GPATCH2: variants seen among roughly 807,000 people sequenced by gnomAD.
GPATCH2 encodes the protein G-patch domain containing 2, also known as G patch domain-containing protein 2.
GPATCH2 carries 51 observed loss-of-function variants against 58.0 expected under a neutral mutation model. That is an observed-to-expected ratio of 0.88 (90% CI 0.70 to 1.11). The LOEUF (loss-of-function observed/expected upper bound fraction) is 1.11, where lower values mean the gene tolerates loss of function less well. GPATCH2 is among the 50% of genes most tolerant of loss of function. The probability of loss-of-function intolerance (pLI) is 0.00; values close to 1 mark genes in which losing one functional copy is unlikely to be tolerated. For missense variants in GPATCH2, 625 were observed against 652.2 expected, an observed-to-expected ratio of 0.96 and a Z score of 0.45; for synonymous variants, 222 against 218.5, an observed-to-expected ratio of 1.02 and a Z score of -0.14.
At chr1:217,610,273 A>T in intron 5 of GPATCH2, 48 bp downstream of exon 5, 3 of 1,489,830 alleles carry the variant, frequency 2.0e-6, no homozygotes. Context: ...TTCCATAGAA[A>T]TGGAAACATT....
At chr1:217,537,613 C>G (rs1476319928) in intron 5 of GPATCH2, among the ~76,000 whole-genome samples, 1 of 152,024 alleles carries the variant, frequency 6.6e-6, no homozygotes, top group Non-Finnish European at 1.5e-5. Flanking sequence ...ACAAATGAAA[C>G]CACTTCGGTC....
chr1:217,519,545 C>A (rs967433152), intron 5 of GPATCH2, among the ~76,000 whole-genome samples: 14 of 152,170 alleles, frequency 9.2e-5, no homozygotes, highest in Non-Finnish European at 1.6e-4. Flanking sequence ...AAGGGAGTTG[C>A]ATGCATTATC....
At chr1:217,550,410 A>ACATT (rs965642720) in intron 5 of GPATCH2, among the ~76,000 whole-genome samples, 2 of 152,280 alleles carry the variant, frequency 1.3e-5, no homozygotes, top group African/African-American at 4.8e-5. Flanking sequence ...AACAAAATAG[A>ACATT]CATTCATTAC....
chr1:217,610,614 A>G (rs1056655142), intron 4 of GPATCH2, among the ~76,000 whole-genome samples: 1 of 152,240 alleles, frequency 6.6e-6, no homozygotes, highest in African/African-American at 2.4e-5. Context: ...ACCAGTGTTC[A>G]ATCACTAGAG....
chr1:217,498,679 G>C, intron 6 of GPATCH2: 1 of 516,646 alleles, frequency 1.9e-6, no homozygotes, highest in Non-Finnish European at 3.4e-6. Context: ...TTCATTTTAT[G>C]AATCAATTCT....
chr1:217,611,097 C>T, intron 3 of GPATCH2, 26 bp from the exon 4 acceptor site: 1 of 1,582,686 alleles, frequency 6.3e-7, no homozygotes, highest in Non-Finnish European at 8.6e-7. Context: ...AAACCCCCCC[C>T]CACCAAAGAC....
rs551648734 is a variant in GPATCH2, at chr1:217,535,856, C to T, written c.1099-20967G>A. On this transcript the variant is annotated intron_variant, in intron 5 of 9. Transcript: ENST00000366935. ...CCACAAACTCTGGCAATAGTTCCAC[C>T]TCATCGCCGCTACTGATTTCAGATT... Among the ~76,000 whole-genome samples, 29 of 152,308 alleles carry T rather than the reference C, an allele frequency of 1.9e-4. 1 individual carries two copies. The highest frequency in any genetic ancestry group is 7.0e-4 in the African/African-American group (29 of 41,574).
intron 5 of GPATCH2, among the ~76,000 whole-genome samples, chr1:217,555,665 G>A (rs550995092): frequency 6.6e-6 from 1 of 152,230 alleles, no homozygotes; most frequent in Non-Finnish European, 1.5e-5. Flanking sequence ...AGTATTCCAG[G>A]TTATCACTTG....
At chr1:217,488,093 AC>A (rs1661539810) in intron 8 of GPATCH2, among the ~76,000 whole-genome samples, 1 of 152,214 alleles carries the variant, frequency 6.6e-6, no homozygotes, top group Non-Finnish European at 1.5e-5. Flanking sequence ...TAACTGAATC[AC>A]ATTCCAGTAA....
intron 9 of GPATCH2, among the ~76,000 whole-genome samples, chr1:217,438,445 C>T (rs1163840416): frequency 6.6e-6 from 1 of 152,078 alleles, no homozygotes; most frequent in East Asian, 1.9e-4. Context: ...GCTAAAGGAG[C>T]ATGTTCTAAT....
intron 6 of GPATCH2, among the ~76,000 whole-genome samples, chr1:217,506,038 C>T (rs1005212009): frequency 6.6e-6 from 1 of 152,140 alleles, no homozygotes; most frequent in Non-Finnish European, 1.5e-5. Context: ...CCAGGCTGGT[C>T]TCGAACTCCT....
At chr1:217,584,656 G>A (rs1490741421) in intron 5 of GPATCH2, among the ~76,000 whole-genome samples, 1 of 151,920 alleles carries the variant, frequency 6.6e-6, no homozygotes. Flanking sequence ...TCAGAGGCAT[G>A]GAAGCAACCA....
At chr1:217,598,064 A>G (rs1260960247) in intron 5 of GPATCH2, among the ~76,000 whole-genome samples, 1 of 152,178 alleles carries the variant, frequency 6.6e-6, no homozygotes, top group Non-Finnish European at 1.5e-5. Flanking sequence ...TACACTGGCA[A>G]TATAACTAGT....
At chr1:217,612,012 T>C (rs1668656704) in intron 3 of GPATCH2, among the ~76,000 whole-genome samples, 1 of 151,820 alleles carries the variant, frequency 6.6e-6, no homozygotes, top group Non-Finnish European at 1.5e-5. Flanking sequence ...AGACCCTGTC[T>C]CTACAAAAAG....
At chr1:217,630,856 G>A in intron 1 of GPATCH2, 60 bp downstream of exon 1, 1 of 1,253,180 alleles carries the variant, frequency 8.0e-7, no homozygotes, top group Non-Finnish European at 1.1e-6. Flanking sequence ...GTCCAGCGGA[G>A]CGGCCTCGGG....
intron 2 of GPATCH2, 108 bp from the exon 3 acceptor site, chr1:217,614,310 G>A (rs1218996458): frequency 3.0e-6 from 2 of 659,274 alleles, no homozygotes; most frequent in South Asian, 1.9e-5. Context: ...GCCTGACAAA[G>A]ATCTGAAAGA....
chr1:217,623,418 A>G (rs1057060269), intron 1 of GPATCH2, among the ~76,000 whole-genome samples: 4 of 152,192 alleles, frequency 2.6e-5, no homozygotes, highest in Admixed American at 1.3e-4. Context: ...ATTTTGTTTA[A>G]AAAGTATTGC....
At chr1:217,548,554 C>G (rs1472842655) in intron 5 of GPATCH2, among the ~76,000 whole-genome samples, 1 of 152,118 alleles carries the variant, frequency 6.6e-6, no homozygotes, top group Non-Finnish European at 1.5e-5. Flanking sequence ...ATAGTTTATT[C>G]AGTTCACACA....
rs1338932980 is a variant in GPATCH2, at chr1:217,619,794, G to A, written c.762C>T (p.Leu254=). The change falls in exon 2 of 10, where the codon CTC becomes CTT. Residue 254 remains leucine, a synonymous_variant. Transcript: ENST00000366935. Reference sequence around the variant, plus strand: ...AATATAAAAGTCACCTTTCACTCATGAGCTCATCTGAGACTTTTTGCTCTT... The same window carrying A: ...AATATAAAAGTCACCTTTCACTCATAAGCTCATCTGAGACTTTTTGCTCTT... ...ECEEQKVSDE[L]MSESDSSSLS... is the part of the protein sequence containing the mutation. 7.8e-6 allele frequency: 12 copies of A among 1,529,164 alleles called. No homozygotes were observed. The highest frequency in any genetic ancestry group is 1.1e-5 in the Non-Finnish European group (12 of 1,119,326). The allele number at this position is 1,529,164 out of a possible 1,614,324, so 94.7% of individuals were successfully genotyped here. A position where few individuals can be genotyped will look rare whatever the true frequency, so the allele number is the denominator to read the frequency against.
Sources: allele counts gnomAD v4.1 joint callset (sites outside exome capture counted in the v4.1 genomes callset), GRCh38; gene constraint gnomAD v4.1.1; transcripts MANE v1.5; gene names NCBI Gene and HGNC (gene_info 2026-07-23, HGNC 2026-07-21).